HOMER1: variants seen among roughly 807,000 people sequenced by gnomAD.
HOMER1 encodes the protein homer scaffold protein 1, also known as homer protein homolog 1.
A neutral mutation model predicts 48.9 loss-of-function variants in HOMER1; 3 were observed. That is an observed-to-expected ratio of 0.06 (90% CI 0.03 to 0.16). The LOEUF (loss-of-function observed/expected upper bound fraction) is 0.16, where lower values mean the gene tolerates loss of function less well. Ranked by LOEUF, HOMER1 falls within the 10% of genes least tolerant of loss-of-function variation. The probability of loss-of-function intolerance (pLI) is 1.00; values close to 1 mark genes in which losing one functional copy is unlikely to be tolerated. For synonymous variants in HOMER1, 134 were observed against 146.4 expected, an observed-to-expected ratio of 0.92 and a Z score of 0.61; for missense variants, 247 against 411.4, an observed-to-expected ratio of 0.60 and a Z score of 3.46.
chr5:79,391,405 C>G (rs555895192), intron 8 of HOMER1, among the ~76,000 whole-genome samples: 1 of 151,206 alleles, frequency 6.6e-6, no homozygotes, highest in Non-Finnish European at 1.5e-5. Flanking sequence ...GCTGGAATTA[C>G]AGGTGTGAAC....
At chr5:79,410,359 C>T (rs1438326962) in intron 5 of HOMER1, among the ~76,000 whole-genome samples, 7 of 151,946 alleles carry the variant, frequency 4.6e-5, no homozygotes, top group East Asian at 1.9e-4. Flanking sequence ...GGCATGGTGG[C>T]GCATGCCTGT....
chr5:79,492,554 G>A (rs1467903384), intron 1 of HOMER1, among the ~76,000 whole-genome samples: 1 of 151,970 alleles, frequency 6.6e-6, no homozygotes, highest in African/African-American at 2.4e-5. Flanking sequence ...TCACACGAGC[G>A]CAAGTGCTTC....
chr5:79,393,045 G>A (rs1749295011), intron 8 of HOMER1, among the ~76,000 whole-genome samples: 1 of 151,766 alleles, frequency 6.6e-6, no homozygotes, highest in African/African-American at 2.4e-5. Context: ...TTTGGGGAAT[G>A]TAAGTAAAGG....
intron 8 of HOMER1, among the ~76,000 whole-genome samples, chr5:79,379,105 TATATATATAAAATATATAAA>T (rs1561340246): frequency 3.4e-5 from 2 of 59,498 alleles, no homozygotes; most frequent in African/African-American, 2.1e-4. Flanking sequence ...TATATATATA[TATATATATAAAATATATAAA>T]TATTTATTTA....
chr5:79,413,063 C>G (rs1046598363), intron 5 of HOMER1, among the ~76,000 whole-genome samples: 4 of 152,126 alleles, frequency 2.6e-5, no homozygotes, highest in Non-Finnish European at 5.9e-5. Flanking sequence ...GGTCAGTGAA[C>G]TTAAAGCTTA....
intron 5 of HOMER1, among the ~76,000 whole-genome samples, chr5:79,410,003 T>C (rs1749772338): frequency 6.6e-6 from 1 of 152,210 alleles, no homozygotes; most frequent in Non-Finnish European, 1.5e-5. Flanking sequence ...GCAATTCTAC[T>C]TCTAGGTATA....
At chr5:79,466,216 T>C (rs1230882584) in intron 1 of HOMER1, among the ~76,000 whole-genome samples, 1 of 152,054 alleles carries the variant, frequency 6.6e-6, no homozygotes, top group Non-Finnish European at 1.5e-5. Context: ...ATAGATCACA[T>C]TTAAAATTAC....
At chr5:79,420,313 G>C (rs1054520760) in intron 5 of HOMER1, among the ~76,000 whole-genome samples, 1 of 152,000 alleles carries the variant, frequency 6.6e-6, no homozygotes, top group Non-Finnish European at 1.5e-5. Flanking sequence ...TCACTACCAC[G>C]ACCTCAGATG....
At chr5:79,396,942 A>T (rs762224334) in intron 7 of HOMER1, 39 bp from the exon 8 acceptor site, 1 of 1,161,320 alleles carries the variant, frequency 8.6e-7, no homozygotes. Flanking sequence ...TTCAAACTAT[A>T]TCAAGGCAAG....
At chr5:79,466,826 T>C (rs1751478189) in intron 1 of HOMER1, among the ~76,000 whole-genome samples, 1 of 151,978 alleles carries the variant, frequency 6.6e-6, no homozygotes, top group African/African-American at 2.4e-5. Context: ...AGAGTCTCAC[T>C]CTGTCACCAA....
intron 1 of HOMER1, among the ~76,000 whole-genome samples, chr5:79,491,468 T>TA (rs1028099641): frequency 7.1e-6 from 1 of 140,412 alleles, no homozygotes; most frequent in Non-Finnish European, 1.5e-5. Context: ...AAAAAGGAGT[T>TA]AAAAAATACA....
chr5:79,468,394 A>G (rs1016066543), intron 1 of HOMER1, among the ~76,000 whole-genome samples: 2 of 152,228 alleles, frequency 1.3e-5, no homozygotes, highest in Non-Finnish European at 2.9e-5. Context: ...ATGGATTTCA[A>G]AGACTTAGTA....
chr5:79,409,882 G>T (rs1044829907), intron 5 of HOMER1, among the ~76,000 whole-genome samples: 2 of 152,192 alleles, frequency 1.3e-5, no homozygotes, highest in African/African-American at 4.8e-5. Context: ...GGGTTGGTGA[G>T]GAGGTGGAGA....
At chr5:79,405,066 T>C (rs1311949327) in intron 5 of HOMER1, among the ~76,000 whole-genome samples, 1 of 152,104 alleles carries the variant, frequency 6.6e-6, no homozygotes, top group Non-Finnish European at 1.5e-5. Flanking sequence ...AAAACTCATA[T>C]ATTGAAGTTC....
At chr5:79,469,656 C>T (rs1259436366) in intron 1 of HOMER1, among the ~76,000 whole-genome samples, 1 of 148,136 alleles carries the variant, frequency 6.8e-6, no homozygotes, top group African/African-American at 2.5e-5. Flanking sequence ...TTAAATGTGA[C>T]TTATAATTTG....
rs147419679 is a variant in HOMER1, at chr5:79,446,766, T to C, written c.387+287A>G. The stretch of plus-strand genomic sequence containing the variant: ...GATCCTCCTACCTCAGCTTCCCAAG[T>C]AGCTGAGACCACAGGCTTGCACCAC... On this transcript the variant is annotated intron_variant, in intron 4 of 8. Transcript: ENST00000334082. 4.0e-3 allele frequency among the ~76,000 whole-genome samples: 606 copies of C among 150,732 alleles called. 2 individuals are homozygous for C. Among genetic ancestry groups the C allele is most frequent in the Non-Finnish European group, 6.5e-3 (442 of 67,824 alleles).
At chr5:79,510,930 G>A (rs974585700) in intron 1 of HOMER1, 4 of 572,274 alleles carry the variant, frequency 7.0e-6, no homozygotes, top group African/African-American at 3.7e-5. Context: ...GGACAGGACT[G>A]GTGCGACCCC....
intron 1 of HOMER1, among the ~76,000 whole-genome samples, chr5:79,506,995 C>T (rs112211285): frequency 2.2e-3 from 341 of 151,864 alleles, no homozygotes; most frequent in African/African-American, 7.5e-3. Flanking sequence ...AGGCAGATCA[C>T]GAGGTCAGGA....
At chr5:79,437,756 G>A (rs1043578677) in intron 5 of HOMER1, among the ~76,000 whole-genome samples, 8 of 152,126 alleles carry the variant, frequency 5.3e-5, no homozygotes, top group African/African-American at 1.4e-4. Flanking sequence ...AGGCTCAAGT[G>A]ATCCTCCTTC....
Sources: gnomAD v4.1 joint callset for allele counts (sites outside exome capture counted in the v4.1 genomes callset) on GRCh38, gnomAD v4.1.1 for gene constraint, MANE v1.5 for transcripts, NCBI Gene and HGNC (gene_info 2026-07-23, HGNC 2026-07-21) for gene names.